The following FRK variants were observed in gnomAD, a reference collection of about 807,000 sequenced individuals.
FRK encodes the protein fyn related Src family tyrosine kinase.
A neutral mutation model predicts 56.4 loss-of-function variants in FRK; 51 were observed. The ratio of observed to expected loss-of-function variants is 0.90; its 90% confidence interval spans 0.72 to 1.14. The LOEUF (loss-of-function observed/expected upper bound fraction) is 1.14. Among genes scored for constraint, FRK ranks in the 50% most tolerant of loss-of-function variants. FRK has a pLI of 0.00. For missense variants in FRK, 570 were observed against 601.4 expected (o/e 0.95, Z 0.55); for synonymous variants, 245 against 217.9 (o/e 1.12, Z -1.10).
At chr6:115,968,527 G>A (rs1394730193) in intron 3 of FRK, 49 bp downstream of exon 3, 2 of 1,577,242 alleles carry the variant, frequency 1.3e-6, no homozygotes, top group Non-Finnish European at 1.7e-6. Context: ...GATATCTGAA[G>A]GAAAAAAGTT....
At chr6:116,057,085 A>G (rs1777427290) in intron 1 of FRK, among the ~76,000 whole-genome samples, 1 of 152,230 alleles carries the variant, frequency 6.6e-6, no homozygotes, top group African/African-American at 2.4e-5. Flanking sequence ...ACAGATGCAC[A>G]TCAAAAGTAA....
intron 3 of FRK, 149 bp downstream of exon 3, chr6:115,968,427 T>G: frequency 1.4e-6 from 1 of 705,474 alleles, no homozygotes; most frequent in Non-Finnish European, 2.4e-6. Context: ...TACGTCAGTG[T>G]GAGCTCATAG....
chr6:116,010,419 T>C (rs1285917617), intron 1 of FRK, among the ~76,000 whole-genome samples: 1 of 152,310 alleles, frequency 6.6e-6, no homozygotes, highest in South Asian at 2.1e-4. Flanking sequence ...ATCAGGAACA[T>C]GCTACAAAAA....
chr6:116,059,280 T>C (rs1301812791), intron 1 of FRK, among the ~76,000 whole-genome samples: 1 of 152,206 alleles, frequency 6.6e-6, no homozygotes, highest in Non-Finnish European at 1.5e-5. Context: ...CTTTATCTCC[T>C]CTTCAAGGAG....
chr6:115,998,242 C>T (rs941077798), intron 2 of FRK, among the ~76,000 whole-genome samples: 12 of 152,158 alleles, frequency 7.9e-5, no homozygotes, highest in Non-Finnish European at 1.6e-4. Flanking sequence ...CCTCTCATAT[C>T]CCCCCGGACT....
the FRK span, among the ~76,000 whole-genome samples, chr6:116,086,619 A>T: frequency 2.0e-5 from 3 of 152,236 alleles, no homozygotes; most frequent in Non-Finnish European, 4.4e-5. Flanking sequence ...ATTTCCTGAA[A>T]TTGGCTCCAA....
Position 116,047,351 on chromosome 6 carries a change from A to G in FRK, c.344+12617T>C, listed in dbSNP as rs181256226. On this transcript the variant is annotated intron_variant, in intron 1 of 7. Coordinates refer to ENST00000606080, the MANE Select transcript of FRK (RefSeq NM_002031.3). ...CAGACATCTGTAGTTTTTTTAGGAA[A>G]CTGCAGACTCTACCCAGAGATGGAG... 4.4e-4 allele frequency among the ~76,000 whole-genome samples: 66 copies of G among 150,832 alleles called. 1 individual carries two copies. The highest frequency in any genetic ancestry group is 1.6e-3 in the African/African-American group (65 of 41,150).
chr6:115,956,390 CACTT>C, intron 5 of FRK, 58 bp downstream of exon 5: 1 of 1,267,446 alleles, frequency 7.9e-7, no homozygotes, highest in Admixed American at 2.8e-5. Flanking sequence ...GCTAAATTGA[CACTT>C]ATGGGACTAG....
chr6:116,059,718 A>G (rs760081607), intron 1 of FRK, among the ~76,000 whole-genome samples: 5 of 152,220 alleles, frequency 3.3e-5, no homozygotes, highest in Non-Finnish European at 5.9e-5. Context: ...TCATTTGTTT[A>G]TTTTGAAAAT....
chr6:115,960,451 G>T (rs1480200926), intron 4 of FRK, among the ~76,000 whole-genome samples: 1 of 150,360 alleles, frequency 6.7e-6, no homozygotes, highest in Non-Finnish European at 1.5e-5. Flanking sequence ...ACTGCAAGGC[G>T]GCAGCGAGGC....
chr6:116,046,632 G>C (rs770378474), intron 1 of FRK, among the ~76,000 whole-genome samples: 25 of 152,214 alleles, frequency 1.6e-4, no homozygotes, highest in East Asian at 9.7e-4. Context: ...GGCCTGCAGG[G>C]GGGTAGGGGG....
intron 2 of FRK, among the ~76,000 whole-genome samples, chr6:115,993,910 T>C (rs1341778758): frequency 6.6e-6 from 1 of 152,010 alleles, no homozygotes; most frequent in Non-Finnish European, 1.5e-5. Flanking sequence ...TTTCATAGAA[T>C]TTGTGCTTTC....
chr6:115,998,816 T>C (rs991112906), intron 2 of FRK, among the ~76,000 whole-genome samples: 2 of 152,232 alleles, frequency 1.3e-5, no homozygotes, highest in Non-Finnish European at 2.9e-5. Context: ...ATGCATCACC[T>C]TGAATATTAT....
intron 2 of FRK, among the ~76,000 whole-genome samples, chr6:115,975,158 C>A (rs1028560336): frequency 7.9e-5 from 12 of 152,048 alleles, no homozygotes; most frequent in East Asian, 1.9e-4. Context: ...ATAAAAAAAA[C>A]CAACCTCAGG....
chr6:115,996,744 A>G (rs1774856012), intron 2 of FRK, among the ~76,000 whole-genome samples: 1 of 152,326 alleles, frequency 6.6e-6, no homozygotes, highest in East Asian at 1.9e-4. Context: ...AAGAAGCATG[A>G]AATAGAAGCA....
At chr6:116,061,399 A>AACACACACAC (rs3049929), upstream of FRK, among the ~76,000 whole-genome samples, 1,633 of 146,648 alleles carry the variant, frequency 0.011, 18 homozygotes, top group Middle Eastern at 0.035. Flanking sequence ...CTATTTGGGA[A>AACACACACAC]ACACACACAC....
At chr6:116,059,602 C>A (rs1268175313) in intron 1 of FRK, among the ~76,000 whole-genome samples, 1 of 152,080 alleles carries the variant, frequency 6.6e-6, no homozygotes, top group African/African-American at 2.4e-5. Context: ...TTGAGAATAT[C>A]ATTAAGGGAA....
intron 1 of FRK, among the ~76,000 whole-genome samples, chr6:116,015,697 A>C (rs1775622030): frequency 6.6e-6 from 1 of 152,216 alleles, no homozygotes; most frequent in South Asian, 2.1e-4. Flanking sequence ...GATAGAAATG[A>C]GGAAGTTATT....
intron 1 of FRK, among the ~76,000 whole-genome samples, chr6:116,056,738 G>C (rs1431264106): frequency 6.6e-6 from 1 of 151,984 alleles, no homozygotes; most frequent in African/African-American, 2.4e-5. Flanking sequence ...GGTTTTCGAG[G>C]GATTTCACAT....
Sources: gnomAD v4.1 joint callset for allele counts (sites outside exome capture counted in the v4.1 genomes callset) on GRCh38, gnomAD v4.1.1 for gene constraint, MANE v1.5 for transcripts, NCBI Gene and HGNC (gene_info 2026-07-23, HGNC 2026-07-21) for gene names.